The following ERBB4 variants were observed in gnomAD, a reference collection of about 807,000 sequenced individuals.
ERBB4 encodes receptor tyrosine-protein kinase erbB-4.
ERBB4 carries 42 observed loss-of-function variants against 158.0 expected under a neutral mutation model. The ratio of observed to expected loss-of-function variants is 0.27; its 90% CI spans 0.21 to 0.34. The LOEUF is 0.34. ERBB4 is among the 10% of genes least tolerant of loss of function. The probability of loss-of-function intolerance (pLI) is 1.00; values close to 1 mark genes in which losing one functional copy is unlikely to be tolerated. For missense variants in ERBB4, 1,333 were observed against 1,624.1 expected, an observed-to-expected ratio of 0.82 and a Z score of 3.08; for synonymous variants, 583 against 558.7, an observed-to-expected ratio of 1.04 and a Z score of -0.61.
intron 14 of ERBB4, 82 bp from the exon 15 acceptor site, chr2:211,665,559 G>T (rs1375284582): frequency 1.9e-5 from 25 of 1,349,964 alleles, no homozygotes; most frequent in Non-Finnish European, 2.6e-5. Flanking sequence ...TTTAGTTACT[G>T]AGACTTCAGT....
chr2:212,521,543 T>C (rs7571561), intron 1 of ERBB4, among the ~76,000 whole-genome samples: 42,822 of 151,654 alleles, frequency 0.28, 6,184 homozygotes, highest in African/African-American at 0.3. Context: ...ATTTATGATG[T>C]TTCTATTTTG....
intron 1 of ERBB4, among the ~76,000 whole-genome samples, chr2:212,506,869 A>G (rs1255968018): frequency 1.3e-5 from 2 of 152,214 alleles, no homozygotes; most frequent in African/African-American, 4.8e-5. Context: ...TAATATTATT[A>G]ATGAAGGTAG....
intron 20 of ERBB4, among the ~76,000 whole-genome samples, chr2:211,502,944 G>A (rs1041619159): frequency 6.6e-6 from 1 of 152,098 alleles, no homozygotes; most frequent in African/African-American, 2.4e-5. Flanking sequence ...TTTATTGAAA[G>A]AAGACACTGA....
chr2:211,803,950 A>G (rs2076556665), intron 3 of ERBB4, among the ~76,000 whole-genome samples: 1 of 152,214 alleles, frequency 6.6e-6, no homozygotes. Context: ...AGTAGAGACC[A>G]GAAGGCACTG....
intron 2 of ERBB4, among the ~76,000 whole-genome samples, chr2:212,101,232 A>G (rs1343182360): frequency 2.0e-5 from 3 of 151,862 alleles, no homozygotes; most frequent in Admixed American, 2.0e-4. Flanking sequence ...TGTGTAGCAC[A>G]TGGCGGATAA....
At chr2:212,352,720 T>C (rs1371306110) in intron 1 of ERBB4, among the ~76,000 whole-genome samples, 1 of 151,824 alleles carries the variant, frequency 6.6e-6, no homozygotes, top group Non-Finnish European at 1.5e-5. Context: ...ATACAAAAAT[T>C]AGCTGGGTGT....
intron 25 of ERBB4, among the ~76,000 whole-genome samples, chr2:211,419,030 G>C (rs903576785): frequency 1.3e-5 from 2 of 152,104 alleles, no homozygotes; most frequent in Admixed American, 6.6e-5. Flanking sequence ...AAAAGGTGTA[G>C]AGCAGATTTG....
chr2:211,860,895 C>A (rs1259584885), intron 3 of ERBB4, among the ~76,000 whole-genome samples: 2 of 135,106 alleles, frequency 1.5e-5, no homozygotes, highest in Non-Finnish European at 3.1e-5. Flanking sequence ...AAAAATACAA[C>A]TCAAAAAGAA....
intron 1 of ERBB4, among the ~76,000 whole-genome samples, chr2:212,535,206 A>C (rs1302761164): frequency 6.6e-6 from 1 of 152,156 alleles, no homozygotes; most frequent in Non-Finnish European, 1.5e-5. Flanking sequence ...TTGTGAAGAA[A>C]AAAATAACAC....
chr2:211,517,167 AAAAACTTTGG>A (rs2066057363), intron 20 of ERBB4, among the ~76,000 whole-genome samples: 8 of 152,148 alleles, frequency 5.3e-5, no homozygotes, highest in Non-Finnish European at 1.5e-5. Context: ...CTGGGAATTA[AAAAACTTTGG>A]TTCTAGCACC....
chr2:212,326,106 G>A (rs1574687824), intron 1 of ERBB4, among the ~76,000 whole-genome samples: 1 of 150,124 alleles, frequency 6.7e-6, no homozygotes, highest in African/African-American at 2.4e-5. Context: ...CCCCAAATTG[G>A]GATGCTTTTA....
intron 1 of ERBB4, among the ~76,000 whole-genome samples, chr2:212,292,398 C>A (rs980086139): frequency 6.2e-4 from 94 of 152,070 alleles, no homozygotes; most frequent in African/African-American, 2.2e-3. Context: ...TGAATCCTCA[C>A]TACTAGTTCA....
intron 3 of ERBB4, among the ~76,000 whole-genome samples, chr2:211,804,841 T>C (rs977611151): frequency 1.3e-5 from 2 of 152,114 alleles, no homozygotes; most frequent in African/African-American, 2.4e-5. Flanking sequence ...TTAGAGTGAA[T>C]CCTTCTAAAT....
chr2:211,704,493 T>C (rs1002639082), intron 10 of ERBB4, among the ~76,000 whole-genome samples: 4 of 152,238 alleles, frequency 2.6e-5, no homozygotes, highest in Non-Finnish European at 5.9e-5. Flanking sequence ...CTGAAATCTT[T>C]TACGTCTTCA....
At chr2:212,334,564 T>C (rs1300150772) in intron 1 of ERBB4, among the ~76,000 whole-genome samples, 4 of 152,012 alleles carry the variant, frequency 2.6e-5, no homozygotes, top group Non-Finnish European at 5.9e-5. Context: ...GCAGCTAATA[T>C]AGAATTTATT....
At chr2:212,140,611 A>G (rs1018637453) in intron 1 of ERBB4, among the ~76,000 whole-genome samples, 2 of 151,122 alleles carry the variant, frequency 1.3e-5, no homozygotes, top group African/African-American at 4.8e-5. Flanking sequence ...TAACCAAATT[A>G]CTATCAATAC....
chr2:211,972,419 G>T, intron 2 of ERBB4, among the ~76,000 whole-genome samples: 1 of 152,084 alleles, frequency 6.6e-6, no homozygotes, highest in Non-Finnish European at 1.5e-5. Context: ...AATGCATGTG[G>T]AACCAAATAA....
intron 1 of ERBB4, among the ~76,000 whole-genome samples, chr2:212,358,931 A>G (rs768137562): frequency 6.8e-4 from 104 of 151,958 alleles, no homozygotes; most frequent in Non-Finnish European, 1.1e-3. Flanking sequence ...AGTTTAGAAA[A>G]GTATATTATC....
At chr2:211,733,284 G>T (rs1386642058) in intron 5 of ERBB4, among the ~76,000 whole-genome samples, 2 of 152,130 alleles carry the variant, frequency 1.3e-5, no homozygotes, top group Non-Finnish European at 2.9e-5. Flanking sequence ...TAGGCTATTA[G>T]CATCTCCACA....
Sources: allele counts gnomAD v4.1 joint callset (sites outside exome capture counted in the v4.1 genomes callset), GRCh38; gene constraint gnomAD v4.1.1; transcripts MANE v1.5; gene names NCBI Gene and HGNC (gene_info 2026-07-23, HGNC 2026-07-21).